FRMPD1: variants seen among roughly 807,000 people sequenced by gnomAD.
FRMPD1 encodes the protein FERM and PDZ domain-containing protein 1.
A neutral mutation model predicts 117.8 loss-of-function variants in FRMPD1; 76 were observed. That is an observed-to-expected ratio of 0.65 (90% CI 0.54 to 0.78). The LOEUF (loss-of-function observed/expected upper bound fraction) is 0.78. Ranked by LOEUF, FRMPD1 falls within the 30% of genes least tolerant of loss-of-function variation. The probability of loss-of-function intolerance (pLI) is 0.00; values close to 1 mark genes in which losing one functional copy is unlikely to be tolerated. For synonymous variants in FRMPD1, 783 were observed against 770.4 expected (o/e 1.02, Z -0.27); for missense variants, 1,786 against 1,964.5 (o/e 0.91, Z 1.72).
chr9:37,699,387 T>TTGGCTCACTGCAAC (rs956973743), intron 2 of FRMPD1, among the ~76,000 whole-genome samples: 1 of 151,566 alleles, frequency 6.6e-6, no homozygotes, highest in African/African-American at 2.4e-5. Flanking sequence ...TGTTGTGATC[T>TTGGCTCACTGCAAC]TGGCTCACTG....
chr9:37,682,592 C>G (rs1821767107), intron 1 of FRMPD1, among the ~76,000 whole-genome samples: 1 of 152,196 alleles, frequency 6.6e-6, no homozygotes, highest in Non-Finnish European at 1.5e-5. Context: ...TAGTTCAGTG[C>G]TCTTTTCAGC....
rs981992371 is a variant in FRMPD1 at position 37,745,774 on chromosome 9, G to T, written c.3742G>T (p.Val1248Phe). The stretch of plus-strand genomic sequence containing the variant: ...AGCCCCTAGGGACAGCCCTGAGTGG[G>T]TCTGTTTTAATCCTGAGCCTTCCCT... ...DIAPRDSPEW[V>F]CFNPEPSLPE... The change falls in exon 16 of 16, where the codon GTC becomes TTC. Residue 1248 changes from valine (V) to phenylalanine (F), a missense_variant. Coordinates refer to ENST00000377765, the MANE Select transcript of FRMPD1 (RefSeq NM_014907.3). The T allele has an allele frequency of 6.2e-7, 1 of 1,614,162 alleles. No individual in the cohort carries two copies. Among genetic ancestry groups the T allele is most frequent in the Non-Finnish European group, 8.5e-7 (1 of 1,180,014 alleles).
intron 2 of FRMPD1, among the ~76,000 whole-genome samples, chr9:37,700,651 T>C (rs1469955753): frequency 6.6e-6 from 1 of 152,218 alleles, no homozygotes; most frequent in African/African-American, 2.4e-5. Flanking sequence ...TTCAGTGTTA[T>C]TAACCAGCTC....
At chr9:37,695,098 A>T (rs985578214) in intron 2 of FRMPD1, among the ~76,000 whole-genome samples, 1 of 152,194 alleles carries the variant, frequency 6.6e-6, no homozygotes, top group Non-Finnish European at 1.5e-5. Context: ...GGCCATTATG[A>T]ATAATGCTGC....
the FRMPD1 span, among the ~76,000 whole-genome samples, chr9:37,643,988 A>C: frequency 6.6e-6 from 1 of 152,212 alleles, no homozygotes; most frequent in Non-Finnish European, 1.5e-5. Flanking sequence ...AGGAGCCAAC[A>C]TCCACTTGCT....
intron 15 of FRMPD1, among the ~76,000 whole-genome samples, chr9:37,741,305 G>A (rs561974120): frequency 1.6e-4 from 24 of 152,126 alleles, no homozygotes; most frequent in African/African-American, 5.8e-4. Flanking sequence ...CAGGCCGTCT[G>A]TGGCCCTGCA....
chr9:37,724,361 G>GTTC, intron 7 of FRMPD1, 41 bp downstream of exon 7: 1 of 1,102,186 alleles, frequency 9.1e-7, no homozygotes, highest in Non-Finnish European at 1.4e-6. Flanking sequence ...CAAGAAGAAT[G>GTTC]TTCTGGCTGC....
the FRMPD1 span, among the ~76,000 whole-genome samples, chr9:37,606,684 T>G: frequency 6.6e-6 from 1 of 152,314 alleles, no homozygotes; most frequent in Admixed American, 6.5e-5. Flanking sequence ...ACAAAAAAGA[T>G]TCCCTTTAAA....
intron 14 of FRMPD1, 87 bp from the exon 15 acceptor site, chr9:37,739,991 G>A (rs576466087): frequency 3.0e-6 from 3 of 993,396 alleles, no homozygotes; most frequent in African/African-American, 3.2e-5. Flanking sequence ...TTCTCGTCTG[G>A]CAGGGTTGGG....
chr9:37,746,514 C>T lies in FRMPD1; in HGVS notation c.4482C>T (p.Phe1494=). The T allele has an allele frequency of 6.2e-7, 1 of 1,613,692 alleles. No individual in the cohort carries two copies. Among genetic ancestry groups the T allele is most frequent in the Admixed American group, 1.7e-5 (1 of 60,028 alleles). Reference sequence around the variant, plus strand: ...TGCAGGGGGCCGTGCGTGACACCTTCCAGCACCTGGTCCAGCTGGCCGGCC... The same window carrying T: ...TGCAGGGGGCCGTGCGTGACACCTTTCAGCACCTGGTCCAGCTGGCCGGCC... ...EEMQGAVRDT[F]QHLVQLAGLC... Residue 1494 remains phenylalanine, a synonymous_variant, in exon 16 of 16, where the codon TTC becomes TTT. Transcript: ENST00000377765.
At chr9:37,652,244 A>G (rs1588899731) in intron 1 of FRMPD1, among the ~76,000 whole-genome samples, 1 of 152,208 alleles carries the variant, frequency 6.6e-6, no homozygotes, top group East Asian at 1.9e-4. Flanking sequence ...GATGGTTGAG[A>G]TGATTTCCAA....
chr9:37,741,098 G>A (rs1824390515), intron 15 of FRMPD1: 1 of 581,180 alleles, frequency 1.7e-6, no homozygotes, highest in East Asian at 2.9e-5. Flanking sequence ...AAGCAGATGG[G>A]AGGGATTCAT....
intron 1 of FRMPD1, among the ~76,000 whole-genome samples, chr9:37,687,001 T>C (rs1473953532): frequency 6.6e-6 from 1 of 152,214 alleles, no homozygotes; most frequent in East Asian, 1.9e-4. Flanking sequence ...AGACCTCAGA[T>C]TGCATGAATG....
At chr9:37,662,985 C>T (rs1012783478) in intron 1 of FRMPD1, among the ~76,000 whole-genome samples, 1 of 152,174 alleles carries the variant, frequency 6.6e-6, no homozygotes, top group Non-Finnish European at 1.5e-5. Flanking sequence ...ATTTTCCTAG[C>T]TGTCTGGGTG....
chr9:37,697,341 T>C (rs1458242633), intron 2 of FRMPD1, among the ~76,000 whole-genome samples: 1 of 152,088 alleles, frequency 6.6e-6, no homozygotes, highest in African/African-American at 2.4e-5. Context: ...GGTTCATGCC[T>C]GTAATCCCAG....
intron 13 of FRMPD1, 118 bp from the exon 14 acceptor site, chr9:37,736,978 C>T (rs1824163183): frequency 4.0e-6 from 3 of 748,018 alleles, no homozygotes; most frequent in East Asian, 2.5e-5. Flanking sequence ...GGAGACCTAC[C>T]TGTGGACCAT....
At position 37,740,479 on chromosome 9, in the gene FRMPD1, G is replaced by A; in HGVS notation, c.1951G>A (p.Glu651Lys). Residue 651 changes from glutamate to lysine, a missense_variant, in exon 15 of 16, where the codon GAA becomes AAA. Transcript: ENST00000377765. The surrounding 1 kb of genome is among the most constrained non-coding windows in gnomAD (Gnocchi z 4.2). ...CAGCCAGGAGGAGAGAAGCGGGATT[G>A]AAACCAGTGGCTTCCTCTGTCTCCT... ...SDSQEERSGIETSGFLCLLDL... is the reference protein window; with the variant it reads ...SDSQEERSGIKTSGFLCLLDL... 6.2e-7 allele frequency: 1 copy of A among 1,614,184 alleles called. No individual in the cohort carries two copies. Among genetic ancestry groups the A allele is most frequent in the Non-Finnish European group, 8.5e-7 (1 of 1,180,028 alleles).
chr9:37,610,020 C>T, the FRMPD1 span, among the ~76,000 whole-genome samples: 2 of 152,334 alleles, frequency 1.3e-5, no homozygotes, highest in South Asian at 4.1e-4. Flanking sequence ...TTTACAACTA[C>T]CCCCGGCCAG....
intron 1 of FRMPD1, among the ~76,000 whole-genome samples, chr9:37,687,514 A>G (rs1445031617): frequency 6.6e-6 from 1 of 152,198 alleles, no homozygotes; most frequent in Non-Finnish European, 1.5e-5. Context: ...AGGGGGCCCA[A>G]CTGGGGCAGT....
Sources: gnomAD v4.1 joint callset for allele counts (sites outside exome capture counted in the v4.1 genomes callset) on GRCh38, gnomAD v4.1.1 for gene constraint, Gnocchi (gnomAD v3.1) non-coding constraint, MANE v1.5 for transcripts, NCBI Gene and HGNC (gene_info 2026-07-23, HGNC 2026-07-21) for gene names.